Variants in XKR6 observed in about 807,000 individuals in gnomAD.
XKR6 encodes the protein XK-related protein 6.
A neutral mutation model predicts 56.7 loss-of-function variants in XKR6; 22 were observed. That is an observed-to-expected ratio of 0.39 (90% CI 0.28 to 0.55). The LOEUF is 0.55. Among genes scored for constraint, XKR6 ranks in the 20% least tolerant of loss-of-function variants. The pLI, the probability that XKR6 is intolerant of heterozygous loss-of-function variation, is 0.66. For synonymous variants in XKR6, 524 were observed against 387.8 expected, an observed-to-expected ratio of 1.35 and a Z score of -4.13; for missense variants, 852 against 889.0, an observed-to-expected ratio of 0.96 and a Z score of 0.53.
chr8:11,152,887 T>C (rs995188055), intron 1 of XKR6, among the ~76,000 whole-genome samples: 1 of 152,198 alleles, frequency 6.6e-6, no homozygotes, highest in Non-Finnish European at 1.5e-5. Context: ...TTTCCATAGT[T>C]CAGCAAAAAT....
intron 1 of XKR6, among the ~76,000 whole-genome samples, chr8:10,949,474 G>T (rs1801653623): frequency 6.6e-6 from 1 of 152,206 alleles, no homozygotes; most frequent in Non-Finnish European, 1.5e-5. Context: ...GCTCCCCAGG[G>T]CTCTGAGCTC....
chr8:11,084,009 G>A (rs189111424), intron 1 of XKR6, among the ~76,000 whole-genome samples: 60 of 152,246 alleles, frequency 3.9e-4, no homozygotes, highest in African/African-American at 1.4e-3. Flanking sequence ...GGAGAAAAAG[G>A]GATCCTAAAT....
intron 1 of XKR6, among the ~76,000 whole-genome samples, chr8:11,179,993 G>C (rs1802882006): frequency 1.3e-5 from 2 of 151,974 alleles, no homozygotes; most frequent in Non-Finnish European, 2.9e-5. Context: ...ATAAAAAACA[G>C]CTGGGCATGG....
chr8:11,173,299 G>A (rs917522009), intron 1 of XKR6, among the ~76,000 whole-genome samples: 27 of 151,208 alleles, frequency 1.8e-4, no homozygotes, highest in African/African-American at 5.6e-4. Flanking sequence ...AGCTGAGATC[G>A]TGCCACTGCA....
chr8:10,984,130 T>A (rs547612960), intron 1 of XKR6, among the ~76,000 whole-genome samples: 4 of 152,332 alleles, frequency 2.6e-5, no homozygotes, highest in African/African-American at 9.6e-5. Context: ...AAACGAGGCA[T>A]GTATTGCACA....
intron 1 of XKR6, among the ~76,000 whole-genome samples, chr8:10,953,863 T>C (rs1276206725): frequency 6.6e-6 from 1 of 152,242 alleles, no homozygotes; most frequent in East Asian, 1.9e-4. Context: ...GTCTACTTTC[T>C]GTCTCTATGG....
chr8:11,076,117 T>G (rs1400815329), intron 1 of XKR6, among the ~76,000 whole-genome samples: 1 of 152,068 alleles, frequency 6.6e-6, no homozygotes, highest in Non-Finnish European at 1.5e-5. Context: ...AATGAGCCCG[T>G]CACAAAATGA....
chr8:11,055,648 G>C (rs1010292604), intron 1 of XKR6, among the ~76,000 whole-genome samples: 1 of 152,248 alleles, frequency 6.6e-6, no homozygotes, highest in Non-Finnish European at 1.5e-5. Context: ...AACAGGTTTG[G>C]AGCTGGAGGT....
chr8:11,124,056 T>C (rs772776801), intron 1 of XKR6: 14 of 455,352 alleles, frequency 3.1e-5, no homozygotes, highest in South Asian at 2.0e-4. Context: ...CTGTCCTGCT[T>C]GAGCTCTCTC....
chr8:11,037,086 G>C lies in XKR6; in HGVS notation c.765-112256C>G, dbSNP rs528435334. Among the ~76,000 whole-genome samples, 8 of 152,306 alleles carry C rather than the reference G, an allele frequency of 5.3e-5. 1 individual carries two copies. The highest frequency in any genetic ancestry group is 1.7e-4 in the African/African-American group (7 of 41,562). On this transcript the variant is annotated intron_variant, in intron 1 of 2. Transcript: ENST00000416569. ...CGAGGCGTGGATATCATTTAGTGATGCTACGTGACACAGAAATAACACAAC... is the reference window on the plus strand; with the variant it reads ...CGAGGCGTGGATATCATTTAGTGATCCTACGTGACACAGAAATAACACAAC...
At chr8:11,179,826 T>C (rs544580155) in intron 1 of XKR6, among the ~76,000 whole-genome samples, 1 of 152,214 alleles carries the variant, frequency 6.6e-6, no homozygotes, top group South Asian at 2.1e-4. Flanking sequence ...AGAAAACAGA[T>C]TATAAACAGG....
At chr8:10,988,899 C>G (rs1217313260) in intron 1 of XKR6, among the ~76,000 whole-genome samples, 1 of 152,200 alleles carries the variant, frequency 6.6e-6, no homozygotes, top group African/African-American at 2.4e-5. Flanking sequence ...TGGAACGTTT[C>G]TTGATGACCC....
chr8:11,105,802 A>C (rs757660994), intron 1 of XKR6: 3 of 152,166 alleles, frequency 2.0e-5, no homozygotes, highest in Admixed American at 6.5e-5. Flanking sequence ...AAGATCAGCA[A>C]CTCTCACTGG....
intron 2 of XKR6, among the ~76,000 whole-genome samples, chr8:10,922,440 C>G (rs1318992149): frequency 6.6e-6 from 1 of 152,222 alleles, no homozygotes; most frequent in Non-Finnish European, 1.5e-5. Context: ...AGCTGCTACC[C>G]AGGCTCAGTG....
chr8:10,927,989 A>G lies in XKR6; in HGVS notation c.765-3159T>C, dbSNP rs141666755. Among the ~76,000 whole-genome samples, 804 of 152,304 alleles carry G rather than the reference A, an allele frequency of 5.3e-3. 4 individuals are homozygous for G. Among genetic ancestry groups the G allele is most frequent in the Non-Finnish European group, 7.9e-3 (537 of 68,026 alleles). Reference sequence around the variant, plus strand: ...AGGAGTTCCTGACAGCCAAGCCTCAATGCAAATGCTCATCCTTTCCAACTG... The same window carrying G: ...AGGAGTTCCTGACAGCCAAGCCTCAGTGCAAATGCTCATCCTTTCCAACTG... On this transcript the variant is annotated intron_variant, in intron 1 of 2. Coordinates refer to ENST00000416569, the MANE Select transcript of XKR6 (RefSeq NM_173683.4).
intron 1 of XKR6, among the ~76,000 whole-genome samples, chr8:10,988,907 C>T (rs1797925292): frequency 6.6e-6 from 1 of 152,178 alleles, no homozygotes; most frequent in Admixed American, 6.5e-5. Context: ...TTCTTGATGA[C>T]CCAAAGTCAC....
chr8:11,058,441 T>C (rs983429365), intron 1 of XKR6, among the ~76,000 whole-genome samples: 3 of 152,178 alleles, frequency 2.0e-5, no homozygotes, highest in African/African-American at 4.8e-5. Flanking sequence ...CCAACCCAAA[T>C]GCCCATCAGT....
intron 1 of XKR6, among the ~76,000 whole-genome samples, chr8:11,169,220 T>G (rs1802241870): frequency 6.6e-6 from 1 of 152,168 alleles, no homozygotes; most frequent in Non-Finnish European, 1.5e-5. Context: ...TTTCTTCTTT[T>G]GCTTATTAAA....
At chr8:11,085,551 G>A (rs952073253) in intron 1 of XKR6, among the ~76,000 whole-genome samples, 1 of 152,178 alleles carries the variant, frequency 6.6e-6, no homozygotes, top group Non-Finnish European at 1.5e-5. Context: ...ATCTTGGCCA[G>A]AGGCAGGAGA....
Sources: gnomAD v4.1 joint callset for allele counts (sites outside exome capture counted in the v4.1 genomes callset) on GRCh38, gnomAD v4.1.1 for gene constraint, MANE v1.5 for transcripts, NCBI Gene and HGNC (gene_info 2026-07-23, HGNC 2026-07-21) for gene names.